BICD1: variants seen among roughly 807,000 people sequenced by gnomAD.
The protein encoded by BICD1 is BICD cargo adaptor 1.
A neutral mutation model predicts 92.5 loss-of-function variants in BICD1; 35 were observed. The ratio of observed to expected loss-of-function variants is 0.38; its 90% CI spans 0.29 to 0.50. BICD1 has a LOEUF of 0.50. Ranked by LOEUF, BICD1 falls within the 20% of genes least tolerant of loss-of-function variation. The probability of loss-of-function intolerance (pLI) is 0.93; values close to 1 mark genes in which losing one functional copy is unlikely to be tolerated. For missense variants in BICD1, 950 were observed against 1,189.8 expected, an observed-to-expected ratio of 0.80 and a Z score of 2.97; for synonymous variants, 429 against 465.1, an observed-to-expected ratio of 0.92 and a Z score of 1.00.
intron 1 of BICD1, among the ~76,000 whole-genome samples, chr12:32,185,080 C>T (rs1042618268): frequency 2.6e-5 from 4 of 152,188 alleles, no homozygotes; most frequent in African/African-American, 7.2e-5. Flanking sequence ...ACAGCCTTCA[C>T]TATTTGGCAG....
chr12:32,222,549 C>G (rs897864594), intron 2 of BICD1, among the ~76,000 whole-genome samples: 5 of 152,128 alleles, frequency 3.3e-5, no homozygotes, highest in African/African-American at 9.7e-5. Flanking sequence ...GCCATGTCAC[C>G]GTAGCTGCCA....
chr12:32,260,636 T>C (rs1212367697), intron 2 of BICD1, among the ~76,000 whole-genome samples: 2 of 125,416 alleles, frequency 1.6e-5, no homozygotes, highest in Non-Finnish European at 3.7e-5. Context: ...TGTATTCTAG[T>C]ACTTTTTTTT....
chr12:32,313,020 GTCC>G lies in BICD1; in HGVS notation c.1005+6900_1005+6902del, dbSNP rs1471258937. On this transcript the variant is annotated intron_variant, in intron 4 of 9. Transcript: ENST00000652176. The surrounding 1 kb of genome is among the most constrained non-coding windows in gnomAD (Gnocchi z 4.2). ...TAAATTACTTAATCAATTTAAAGGTGTCCTGTATGCTTGTGCTGAAATTTCTGT... is the reference window on the plus strand; with the variant it reads ...TAAATTACTTAATCAATTTAAAGGTGTGTATGCTTGTGCTGAAATTTCTGT... Among the ~76,000 whole-genome samples the G allele has an allele frequency of 2.0e-5, 3 of 152,072 alleles. No homozygotes were observed. The highest frequency in any genetic ancestry group is 4.4e-5 in the Non-Finnish European group (3 of 68,004).
intron 1 of BICD1, among the ~76,000 whole-genome samples, chr12:32,197,061 T>C (rs1422429049): frequency 1.3e-5 from 2 of 151,066 alleles, no homozygotes; most frequent in African/African-American, 2.4e-5. Context: ...CAGGCTAGAG[T>C]GCAGTGGCAC....
chr12:32,216,526 G>A, intron 2 of BICD1, 67 bp downstream of exon 2: 1 of 1,507,884 alleles, frequency 6.6e-7, no homozygotes, highest in Middle Eastern at 1.7e-4. Context: ...CTCCATAGCA[G>A]AGAGGAATAA....
At chr12:32,280,021 C>G (rs1947373579) in intron 2 of BICD1, among the ~76,000 whole-genome samples, 1 of 152,186 alleles carries the variant, frequency 6.6e-6, no homozygotes, top group Admixed American at 6.5e-5. Context: ...TCACTTGAAC[C>G]TGGGAGGCGG....
chr12:32,294,823 C>G (rs1027645984), intron 3 of BICD1, among the ~76,000 whole-genome samples: 1 of 151,312 alleles, frequency 6.6e-6, no homozygotes, highest in Non-Finnish European at 1.5e-5. Context: ...GGTTCATGCC[C>G]GTAATCCCAG....
At chr12:32,234,293 C>G (rs762821611) in intron 2 of BICD1, among the ~76,000 whole-genome samples, 13 of 152,144 alleles carry the variant, frequency 8.5e-5, no homozygotes, top group Non-Finnish European at 1.6e-4. Flanking sequence ...TTCACTAAGA[C>G]AGCTTTTTAA....
At chr12:32,156,773 G>C (rs989699900) in intron 1 of BICD1, among the ~76,000 whole-genome samples, 7 of 152,172 alleles carry the variant, frequency 4.6e-5, no homozygotes, top group African/African-American at 1.7e-4. Flanking sequence ...CTCATGTTTA[G>C]ATCAGCCAAG....
intron 1 of BICD1, among the ~76,000 whole-genome samples, chr12:32,189,803 A>G (rs910479283): frequency 5.3e-5 from 8 of 150,428 alleles, no homozygotes; most frequent in African/African-American, 2.0e-4. Context: ...GGTTCAAGAG[A>G]TTCTCCTGCC....
intron 2 of BICD1, among the ~76,000 whole-genome samples, chr12:32,234,207 C>A (rs1050803475): frequency 6.6e-6 from 1 of 152,176 alleles, no homozygotes; most frequent in Admixed American, 6.5e-5. Flanking sequence ...ACCTAGTTAG[C>A]CAGCTTCCAT....
At chr12:32,206,400 G>A (rs1444139860) in intron 1 of BICD1, among the ~76,000 whole-genome samples, 1 of 152,196 alleles carries the variant, frequency 6.6e-6, no homozygotes, top group East Asian at 1.9e-4. Context: ...GATGTCAGGA[G>A]TTCAAGGCCA....
chr12:32,252,643 C>G (rs368761562), intron 2 of BICD1, among the ~76,000 whole-genome samples: 1 of 152,080 alleles, frequency 6.6e-6, no homozygotes, highest in Admixed American at 6.6e-5. Flanking sequence ...GATTTGCATC[C>G]GTGATGAGGT....
chr12:32,230,399 C>CAAAT (rs535189097), intron 2 of BICD1, among the ~76,000 whole-genome samples: 4,042 of 133,192 alleles, frequency 0.03, 69 homozygotes, highest in Middle Eastern at 0.051. Context: ...GACCCTGTCT[C>CAAAT]AAATAAATAA....
intron 9 of BICD1, 97 bp from the exon 10 acceptor site, chr12:32,377,443 C>T: frequency 2.1e-6 from 2 of 965,330 alleles, no homozygotes; most frequent in Non-Finnish European, 3.3e-6. Flanking sequence ...TGTTCTTGTT[C>T]TCAAAATCTA....
At chr12:32,323,489 G>T (rs1948704826) in intron 4 of BICD1, among the ~76,000 whole-genome samples, 1 of 152,210 alleles carries the variant, frequency 6.6e-6, no homozygotes, top group Non-Finnish European at 1.5e-5. Context: ...GAGTCACATA[G>T]CTAAGTAAAT....
intron 5 of BICD1, chr12:32,333,296 A>G: frequency 1.0e-6 from 1 of 971,994 alleles, no homozygotes; most frequent in Non-Finnish European, 1.2e-6. Flanking sequence ...AGATTCCTCC[A>G]AGTATTTACA....
chr12:32,162,721 G>A (rs896498910), intron 1 of BICD1, among the ~76,000 whole-genome samples: 11 of 152,158 alleles, frequency 7.2e-5, no homozygotes, highest in Non-Finnish European at 1.6e-4. Context: ...GGTGGCTCAT[G>A]CCTGTAAACC....
chr12:32,276,676 A>G (rs1338336425), intron 2 of BICD1, among the ~76,000 whole-genome samples: 1 of 105,306 alleles, frequency 9.5e-6, no homozygotes, highest in African/African-American at 3.4e-5. Flanking sequence ...ACTGCAAAAA[A>G]GAAAAAAAAA....
Sources: gnomAD v4.1 joint callset for allele counts (sites outside exome capture counted in the v4.1 genomes callset) on GRCh38, gnomAD v4.1.1 for gene constraint, Gnocchi (gnomAD v3.1) non-coding constraint, MANE v1.5 for transcripts, NCBI Gene and HGNC (gene_info 2026-07-23, HGNC 2026-07-21) for gene names.